The following NEDD9 variants were observed in gnomAD, a reference collection of about 807,000 sequenced individuals.
The protein encoded by NEDD9 is neural precursor cell expressed, developmentally down-regulated 9, also known as enhancer of filamentation 1.
A neutral mutation model predicts 76.6 loss-of-function variants in NEDD9; 26 were observed. That is an observed-to-expected ratio of 0.34 (90% CI 0.25 to 0.47). The LOEUF (loss-of-function observed/expected upper bound fraction) is 0.47. Among genes scored for constraint, NEDD9 ranks in the 20% least tolerant of loss-of-function variants. NEDD9 has a pLI of 1.00. For missense variants in NEDD9, 937 were observed against 1,058.5 expected, an observed-to-expected ratio of 0.89 and a Z score of 1.59; for synonymous variants, 392 against 414.2, an observed-to-expected ratio of 0.95 and a Z score of 0.65.
intron 1 of NEDD9, among the ~76,000 whole-genome samples, chr6:11,368,304 T>C (rs1762804199): frequency 6.6e-6 from 1 of 152,274 alleles, no homozygotes; most frequent in South Asian, 2.1e-4. Context: ...ATCTATCAAC[T>C]ATATTTATTC....
chr6:11,371,375 C>T lies in NEDD9; in HGVS notation c.-214+10764G>A, dbSNP rs548278622. 2.6e-5 allele frequency among the ~76,000 whole-genome samples: 4 copies of T among 152,298 alleles called. No individual in the cohort carries two copies. The South Asian group carries it at 6.2e-4, about 24-fold the overall frequency. On this transcript the variant is annotated intron_variant, in intron 1 of 3. Transcript: ENST00000397378. ...CACAGTGACACGCTTCTACCACTAT[C>T]GTATCACGCAGAGGACTTTCACTGC...
chr6:11,361,375 C>T (rs1217029252), intron 1 of NEDD9, among the ~76,000 whole-genome samples: 1 of 152,160 alleles, frequency 6.6e-6, no homozygotes, highest in Non-Finnish European at 1.5e-5. Flanking sequence ...GGGGAGGTCT[C>T]AGGAGGCTTA....
intron 1 of NEDD9, among the ~76,000 whole-genome samples, chr6:11,343,888 C>A (rs1762319052): frequency 6.6e-6 from 1 of 152,150 alleles, no homozygotes; most frequent in Non-Finnish European, 1.5e-5. Context: ...CAGCAGTTGG[C>A]ATGCTATGTG....
chr6:11,319,592 A>ACT (rs1761708855), intron 2 of NEDD9, among the ~76,000 whole-genome samples: 3 of 146,812 alleles, frequency 2.0e-5, no homozygotes, highest in African/African-American at 5.1e-5. Context: ...ACACTAACGC[A>ACT]CACACTAACC....
At chr6:11,214,946 G>A (rs1444869645) in intron 1 of NEDD9, among the ~76,000 whole-genome samples, 1 of 152,214 alleles carries the variant, frequency 6.6e-6, no homozygotes, top group Admixed American at 6.5e-5. Context: ...ATTTTCGGCT[G>A]TCATTGTCTG....
upstream of NEDD9, chr6:11,233,203 T>G (rs1341485310): frequency 1.9e-5 from 10 of 518,772 alleles, no homozygotes; most frequent in Non-Finnish European, 3.8e-5. Context: ...TGTGTGTGTG[T>G]GACTGTTTGC....
chr6:11,337,021 C>G (rs187902092), intron 1 of NEDD9, among the ~76,000 whole-genome samples: 69 of 152,232 alleles, frequency 4.5e-4, no homozygotes, highest in Non-Finnish European at 8.1e-4. Flanking sequence ...GAGTACGAGA[C>G]CAGCATGGCC....
chr6:11,205,321 T>TG (rs1338868573), intron 2 of NEDD9, among the ~76,000 whole-genome samples: 1 of 152,210 alleles, frequency 6.6e-6, no homozygotes, highest in Non-Finnish European at 1.5e-5. Flanking sequence ...CAAGGCGCCT[T>TG]GGGGTCACCC....
intron 2 of NEDD9, among the ~76,000 whole-genome samples, chr6:11,314,887 G>T (rs549559995): frequency 6.6e-6 from 1 of 152,136 alleles, no homozygotes; most frequent in Non-Finnish European, 1.5e-5. Context: ...CCTCAGTTTT[G>T]TATCTTATTT....
chr6:11,232,913 G>T (rs920464135), upstream of NEDD9, among the ~76,000 whole-genome samples: 18 of 151,818 alleles, frequency 1.2e-4, no homozygotes, highest in South Asian at 3.7e-3. Flanking sequence ...AAGACAGAAA[G>T]AGAAAGAACA....
At chr6:11,377,518 C>G (rs1762988013) in intron 1 of NEDD9, among the ~76,000 whole-genome samples, 1 of 152,180 alleles carries the variant, frequency 6.6e-6, no homozygotes, top group African/African-American at 2.4e-5. Context: ...TGTGTGGGGC[C>G]CCTATACCCT....
In NEDD9 at chr6:11,295,375, G is replaced by A. The variant is rs115258266; in HGVS notation, c.12+10617C>T. Reference sequence around the variant, plus strand: ...TATTTTCTCCCATTCTGTAGGGTGCGAGATATTTCTTAAGAAGATAATGGT... The same window carrying A: ...TATTTTCTCCCATTCTGTAGGGTGCAAGATATTTCTTAAGAAGATAATGGT... On this transcript the variant is annotated intron_variant, in intron 3 of 3. Transcript: ENST00000397378. Among the ~76,000 whole-genome samples, 1,337 of 152,276 alleles carry A rather than the reference G, an allele frequency of 8.8e-3. 10 individuals are homozygous for A. The highest frequency in any genetic ancestry group is 0.013 in the Non-Finnish European group (881 of 68,012).
Position 11,213,561 on chromosome 6 carries a change from AC to A in NEDD9, c.178del (p.Val60Ter). On this transcript the variant is annotated frameshift_variant, in exon 2 of 7. Transcript: ENST00000379446. LOFTEE classifies it high-confidence loss of function. This position sits in a 1 kb window ranked among gnomAD's most constrained non-coding sequence, Gnocchi z 5.4. ...GRQGIVPGNR[V>X]KLLIGPMQET... Reference sequence around the variant, plus strand: ...CTGCATGGGACCAATCAGAAGCTTCACCCGGTTGCCTGGGACAATGCCTTGC... The same window carrying A: ...CTGCATGGGACCAATCAGAAGCTTCACCGGTTGCCTGGGACAATGCCTTGC... The A allele has an allele frequency of 6.2e-7, 1 of 1,613,966 alleles. No homozygotes were observed. Among genetic ancestry groups the A allele is most frequent in the Non-Finnish European group, 8.5e-7 (1 of 1,179,986 alleles).
At chr6:11,226,657 C>A (rs1368652062) in intron 1 of NEDD9, among the ~76,000 whole-genome samples, 1 of 152,212 alleles carries the variant, frequency 6.6e-6, no homozygotes, top group Non-Finnish European at 1.5e-5. Flanking sequence ...TGACGACTTT[C>A]TCTTCCTCAC....
At chr6:11,311,289 G>A (rs1162698568) in intron 2 of NEDD9, among the ~76,000 whole-genome samples, 1 of 152,144 alleles carries the variant, frequency 6.6e-6, no homozygotes, top group Non-Finnish European at 1.5e-5. Context: ...CTAGAGCAGG[G>A]TGGGCCCCTC....
At chr6:11,244,430 C>T (rs549079367) in intron 3 of NEDD9, among the ~76,000 whole-genome samples, 34 of 152,250 alleles carry the variant, frequency 2.2e-4, no homozygotes, top group East Asian at 2.1e-3. Flanking sequence ...ATCAAAACCT[C>T]AGACTGATCT....
chr6:11,330,897 G>A (rs1157276700), intron 2 of NEDD9, among the ~76,000 whole-genome samples: 1 of 152,138 alleles, frequency 6.6e-6, no homozygotes, highest in African/African-American at 2.4e-5. Flanking sequence ...ACTGCTTTAG[G>A]GTCTGAGTAT....
upstream of NEDD9, chr6:11,233,507 C>T (rs1199244189): frequency 5.8e-6 from 3 of 518,804 alleles, no homozygotes; most frequent in South Asian, 4.2e-5. Flanking sequence ...TTTCTAGCTC[C>T]AGCTTTGAAC....
chr6:11,312,081 C>A (rs938751414), intron 2 of NEDD9, among the ~76,000 whole-genome samples: 4 of 152,094 alleles, frequency 2.6e-5, no homozygotes, highest in African/African-American at 9.7e-5. Context: ...CCTGCAGCCA[C>A]AACTTCAGTT....
Sources: allele counts gnomAD v4.1 joint callset (sites outside exome capture counted in the v4.1 genomes callset), GRCh38; gene constraint gnomAD v4.1.1; non-coding constraint Gnocchi (gnomAD v3.1); transcripts MANE v1.5; gene names NCBI Gene and HGNC (gene_info 2026-07-23, HGNC 2026-07-21).